Variants in BIRC6 observed in about 807,000 individuals in gnomAD.
The protein encoded by BIRC6 is baculoviral IAP repeat containing 6, also known as dual E2 ubiquitin-conjugating enzyme/E3 ubiquitin-protein ligase BIRC6.
BIRC6 carries 98 observed loss-of-function variants against 503.3 expected under a neutral mutation model. The ratio of observed to expected loss-of-function variants is 0.19; its 90% CI spans 0.17 to 0.23. BIRC6 has a LOEUF of 0.23. Ranked by LOEUF, BIRC6 falls within the 10% of genes least tolerant of loss-of-function variation. The pLI is 1.00. For synonymous variants in BIRC6, 2,240 were observed against 2,078.7 expected (o/e 1.08, Z -2.11); for missense variants, 5,360 against 5,806.0 (o/e 0.92, Z 2.50).
intron 8 of BIRC6, among the ~76,000 whole-genome samples, chr2:32,402,598 TC>T (rs1228282300): frequency 6.6e-6 from 1 of 152,230 alleles, no homozygotes; most frequent in Non-Finnish European, 1.5e-5. Context: ...GTCTAGTTCC[TC>T]TTGGTAATAA....
rs755071111 is a variant in BIRC6, at chr2:32,463,308, C to T, written c.4868C>T (p.Ala1623Val). ...AQVALQSLSH[A>V]MASAEQQLQV... is the part of the protein sequence containing the mutation. Reference sequence around the variant, plus strand: ...GTAGCTTTGCAGTCTCTCTCTCATGCAATGGCTTCAGCCGAGCAACAGCTA... The same window carrying T: ...GTAGCTTTGCAGTCTCTCTCTCATGTAATGGCTTCAGCCGAGCAACAGCTA... Residue 1623 changes from alanine to valine, a missense_variant, in exon 24 of 74, where the codon GCA becomes GTA. Ala to Val is a moderately conservative substitution (Grantham distance 64). This residue lies in a region of BIRC6 where 2,299 missense variants were observed against 2,267.2 expected (regional missense o/e 1.01). Transcript: ENST00000421745. The T allele has an allele frequency of 6.2e-7, 1 of 1,613,924 alleles. No homozygotes were observed. Among genetic ancestry groups the T allele is most frequent in the Admixed American group, 1.7e-5 (1 of 60,014 alleles).
In BIRC6 at chr2:32,445,563, A is replaced by C; in HGVS notation, c.4379A>C (p.Asp1460Ala). The C allele has an allele frequency of 6.2e-7, 1 of 1,603,110 alleles. No individual in the cohort carries two copies. The highest frequency in any genetic ancestry group is 1.1e-5 in the South Asian group (1 of 88,834). ...TTTGTCTTACTGAATTATGTGAAAG[A>C]TGAAGATCTGGCTGGATGCAGTACA... is the stretch of plus-strand genomic sequence containing the variant. ...WYFVLLNYVK[D>A]EDLAGCSTAC... Residue 1460 changes from aspartate to alanine, a missense_variant, in exon 21 of 74, where the codon GAT becomes GCT. Transcript: ENST00000421745.
intron 22 of BIRC6, among the ~76,000 whole-genome samples, chr2:32,449,526 AT>A (rs1298805063): frequency 6.6e-6 from 1 of 152,082 alleles, no homozygotes; most frequent in Non-Finnish European, 1.5e-5. Context: ...TGACCATTTC[AT>A]TTTTTTCTTC....
At position 32,499,640 on chromosome 2, in the gene BIRC6, T is replaced by G. The variant is rs1165730100; in HGVS notation, c.8562T>G (p.Ser2854Arg). ...LEQNFEVVSV[S>R]TISAVIESVT... ...AGAATTTTGAAGTCGTTTCAGTTAG[T>G]ACTATTTCTGCCGTGATAGAATCGG... The change falls in exon 46 of 74, where the codon AGT becomes AGG. Residue 2854 changes from serine to arginine, a missense_variant. By Grantham distance (110) the Ser-to-Arg change is moderately radical (BLOSUM62 -1). Transcript: ENST00000421745. The G allele has an allele frequency of 3.7e-6, 6 of 1,613,856 alleles. No homozygotes were observed. Among genetic ancestry groups the G allele is most frequent in the Non-Finnish European group, 5.1e-6 (6 of 1,179,876 alleles).
intron 1 of BIRC6, among the ~76,000 whole-genome samples, chr2:32,361,268 A>T (rs550758478): frequency 6.6e-6 from 1 of 152,154 alleles, no homozygotes; most frequent in East Asian, 1.9e-4. Flanking sequence ...AGTATTTTTG[A>T]TTGGATGCAT....
chr2:32,572,831 G>T (rs1445676933), intron 65 of BIRC6, among the ~76,000 whole-genome samples: 1 of 152,150 alleles, frequency 6.6e-6, no homozygotes, highest in Non-Finnish European at 1.5e-5. Flanking sequence ...CCATCACTTT[G>T]AACGTCACTC....
intron 36 of BIRC6, among the ~76,000 whole-genome samples, chr2:32,479,092 A>C (rs375163752): frequency 1.3e-5 from 2 of 152,236 alleles, no homozygotes; most frequent in Admixed American, 1.3e-4. Flanking sequence ...TATTATTAAC[A>C]TCAGTGGTAT....
chr2:32,448,781 A>G lies in BIRC6; in HGVS notation c.4485-14A>G. 1.3e-6 allele frequency: 2 copies of G among 1,588,868 alleles called. No individual in the cohort carries two copies. The highest frequency in any genetic ancestry group is 1.7e-6 in the Non-Finnish European group (2 of 1,172,386). ...CTGAAAGGAAAATTGTTAGTGCATT[A>G]TTTTATTTTTCAGATATGGATTATA... On this transcript the variant is annotated splice_polypyrimidine_tract_variant and intron_variant, in intron 21 of 73. Coordinates refer to ENST00000421745, the MANE Select transcript of BIRC6 (RefSeq NM_016252.4).
chr2:32,478,707 G>A lies in BIRC6; in HGVS notation c.7141G>A (p.Glu2381Lys). 2 of 1,613,932 alleles carry A rather than the reference G, an allele frequency of 1.2e-6. No individual in the cohort carries two copies. Among genetic ancestry groups the A allele is most frequent in the Non-Finnish European group, 8.5e-7 (1 of 1,179,860 alleles). The change falls in exon 36 of 74, where the codon GAA (glutamate) becomes AAA (lysine). Residue 2381 changes from glutamate (E) to lysine (K), a missense_variant. Glu to Lys is a moderately conservative substitution (Grantham distance 56, BLOSUM62 1). Transcript: ENST00000421745. Reference sequence around the variant, plus strand: ...TGAGATTGTGAACGAACCCCAGCTGGAAAGACTGCTGTTACTTTTGGTTGG... The same window carrying A: ...TGAGATTGTGAACGAACCCCAGCTGAAAAGACTGCTGTTACTTTTGGTTGG... ...LCEIVNEPQL[E>K]RLLLLLVGTD...
chr2:32,361,080 C>CT, intron 1 of BIRC6, among the ~76,000 whole-genome samples: 1 of 152,066 alleles, frequency 6.6e-6, no homozygotes, highest in Non-Finnish European at 1.5e-5. Context: ...ACCACCAGAC[C>CT]TGGCTAATTT....
Position 32,357,161 on chromosome 2 carries a change from G to C in BIRC6, c.-1G>C. 1 of 1,510,944 alleles carries C rather than the reference G, an allele frequency of 6.6e-7. No individual in the cohort carries two copies. Among genetic ancestry groups the C allele is most frequent in the African/African-American group, 1.5e-5 (1 of 68,950 alleles). 93.6% of individuals were successfully genotyped at this position (1,510,944 alleles called of 1,614,324 possible). A position where few individuals can be genotyped will look rare whatever the true frequency, so the allele number is the denominator to read the frequency against. ...GCGCTCGGCTTGCCCCCTGGCCCCG[G>C]ATGGTGACTGGTGGTGGTGCTGCAC... is the stretch of plus-strand genomic sequence containing the variant. On this transcript the variant is annotated 5_prime_UTR_variant, in exon 1 of 74. Transcript: ENST00000421745. This position sits in a 1 kb window ranked among gnomAD's most constrained non-coding sequence, Gnocchi z 4.9.
chr2:32,478,574 T>C, intron 35 of BIRC6, 61 bp from the exon 36 acceptor site: 1 of 1,430,986 alleles, frequency 7.0e-7, no homozygotes, highest in Non-Finnish European at 9.6e-7. Flanking sequence ...AGACTTCTGT[T>C]AGTGTTTGAA....
chr2:32,464,655 C>T lies in BIRC6; in HGVS notation c.5088C>T (p.Pro1696=), dbSNP rs149938413. ...TTCATCCATCTGATGTTATTCCACC[C>T]ACTCCAAAAACAACACCTCTTTTTA... ...FFIHPSDVIP[P]TPKTTPLFMT... Residue 1696 remains proline, a synonymous_variant, in exon 25 of 74, where the codon CCC becomes CCT. Coordinates refer to ENST00000421745, the MANE Select transcript of BIRC6 (RefSeq NM_016252.4). The T allele has an allele frequency of 8.1e-6, 13 of 1,613,830 alleles. No individual in the cohort carries two copies. The highest frequency in any genetic ancestry group is 1.1e-5 in the Non-Finnish European group (13 of 1,179,880).
At chr2:32,545,139 C>G (rs970583673) in intron 62 of BIRC6, among the ~76,000 whole-genome samples, 1 of 152,046 alleles carries the variant, frequency 6.6e-6, no homozygotes, top group Non-Finnish European at 1.5e-5. Flanking sequence ...TGATATCTCT[C>G]TCTCTAATAA....
chr2:32,471,030 C>T lies in BIRC6; in HGVS notation c.6498C>T (p.Pro2166=). The change falls in exon 32 of 74, where the codon CCC becomes CCT. Residue 2166 remains proline (P), a synonymous_variant. Transcript: ENST00000421745. The stretch of plus-strand genomic sequence containing the variant: ...TCTCTCCAGGAGTACTAGATATTCC[C>T]ATGATCAGTTGGGTTGTTATGCTGG... ...HRRTEGVLDI[P]MISWVVMLVS... 6.4e-7 allele frequency: 1 copy of T among 1,573,718 alleles called. No individual in the cohort carries two copies. The highest frequency in any genetic ancestry group is 8.6e-7 in the Non-Finnish European group (1 of 1,157,326).
chr2:32,551,119 C>T (rs1019497676), intron 65 of BIRC6, among the ~76,000 whole-genome samples: 5 of 151,744 alleles, frequency 3.3e-5, no homozygotes, highest in Non-Finnish European at 5.9e-5. Context: ...GTAGGTTAAA[C>T]GGTAGCATGC....
At chr2:32,518,150 G>A in intron 55 of BIRC6, 104 bp from the exon 56 acceptor site, 1 of 1,127,318 alleles carries the variant, frequency 8.9e-7, no homozygotes, top group African/African-American at 1.6e-5. Flanking sequence ...GATTTGATAT[G>A]TTAAAATAAA....
chr2:32,490,466 C>T (rs1005500807), intron 43 of BIRC6, among the ~76,000 whole-genome samples: 13 of 152,106 alleles, frequency 8.5e-5, no homozygotes, highest in African/African-American at 2.7e-4. Flanking sequence ...ACCTGGAAGG[C>T]GAAGTTTGCA....
chr2:32,529,844 T>C lies in BIRC6; in HGVS notation c.12094+20T>C. 6.7e-7 allele frequency: 1 copy of C among 1,486,236 alleles called. No homozygotes were observed. The highest frequency in any genetic ancestry group is 2.5e-5 in the East Asian group (1 of 40,598). 92.1% of individuals were successfully genotyped at this position (1,486,236 alleles called of 1,614,324 possible). On this transcript the variant is annotated intron_variant, in intron 60 of 73. Transcript: ENST00000421745. ...AAAAAGGTATGTGCATAATACTACTTTAAAAATTACAGACTGTCATACAAA... is the reference window on the plus strand; with the variant it reads ...AAAAAGGTATGTGCATAATACTACTCTAAAAATTACAGACTGTCATACAAA...
Sources: allele counts gnomAD v4.1 joint callset (sites outside exome capture counted in the v4.1 genomes callset), GRCh38; gene constraint gnomAD v4.1.1; regional missense constraint gnomAD v4.1.1; non-coding constraint Gnocchi (gnomAD v3.1); transcripts MANE v1.5; gene names NCBI Gene and HGNC (gene_info 2026-07-23, HGNC 2026-07-21).